CDKAL1: variants seen among roughly 807,000 people sequenced by gnomAD.
CDKAL1 encodes CDKAL1 threonylcarbamoyladenosine tRNA methylthiotransferase.
Under a neutral mutation model 68.2 loss-of-function variants are expected in CDKAL1, and 32 were observed. The observed-to-expected ratio is 0.47, with a 90% confidence interval of 0.35 to 0.63. The LOEUF (loss-of-function observed/expected upper bound fraction) is 0.63, where lower values mean the gene tolerates loss of function less well. CDKAL1 is among the 30% of genes least tolerant of loss of function. The pLI is 0.00. For synonymous variants in CDKAL1, 234 were observed against 244.3 expected, an observed-to-expected ratio of 0.96 and a Z score of 0.39; for missense variants, 606 against 696.7, an observed-to-expected ratio of 0.87 and a Z score of 1.47.
chr6:20,591,256 C>T (rs1283387465), intron 4 of CDKAL1, among the ~76,000 whole-genome samples: 1 of 152,000 alleles, frequency 6.6e-6, no homozygotes, highest in Admixed American at 6.6e-5. Flanking sequence ...GATATTAGCC[C>T]TTTGTTAAAT....
intron 2 of CDKAL1, among the ~76,000 whole-genome samples, chr6:20,545,608 G>T (rs1334589724): frequency 6.6e-6 from 1 of 151,960 alleles, no homozygotes; most frequent in Non-Finnish European, 1.5e-5. Context: ...GGCTAATTTT[G>T]TACTTTTAAA....
chr6:20,996,726 C>T (rs963355855), intron 10 of CDKAL1, among the ~76,000 whole-genome samples: 1 of 152,076 alleles, frequency 6.6e-6, no homozygotes, highest in Admixed American at 6.5e-5. Flanking sequence ...CACAGAGATA[C>T]GAAGTGAGCA....
At chr6:20,856,702 T>C (rs1214195998) in intron 9 of CDKAL1, among the ~76,000 whole-genome samples, 4 of 152,214 alleles carry the variant, frequency 2.6e-5, no homozygotes, top group Admixed American at 2.6e-4. Context: ...GCGTTTACCA[T>C]TTGAGCTGAG....
At chr6:20,593,008 A>G (rs1420673575) in intron 4 of CDKAL1, among the ~76,000 whole-genome samples, 7 of 152,154 alleles carry the variant, frequency 4.6e-5, no homozygotes, top group Non-Finnish European at 8.8e-5. Context: ...CTTGCATCCC[A>G]GGGATGAAGC....
At chr6:21,136,854 C>T (rs1426028442) in intron 13 of CDKAL1, among the ~76,000 whole-genome samples, 1 of 152,144 alleles carries the variant, frequency 6.6e-6, no homozygotes, top group African/African-American at 2.4e-5. Context: ...TAGCACTGAA[C>T]TCTGATGTGT....
At position 21,134,139 on chromosome 6, in the gene CDKAL1, G is replaced by A. The variant is rs1307803093; in HGVS notation, c.1299+25676G>A. ...CTGTCCCCTGCTGTGTGATAATGTC[G>A]AGAAAAAAAAGAGGGGCCAGCAGAG... On this transcript the variant is annotated intron_variant, in intron 13 of 15. Coordinates refer to ENST00000274695, the MANE Select transcript of CDKAL1 (RefSeq NM_017774.3). 4.6e-5 allele frequency among the ~76,000 whole-genome samples: 7 copies of A among 151,884 alleles called. No homozygotes were observed. In the South Asian group the frequency reaches 6.2e-4, roughly 14 times the overall value.
intron 13 of CDKAL1, among the ~76,000 whole-genome samples, chr6:21,180,821 A>G (rs1466113597): frequency 1.3e-5 from 2 of 152,286 alleles, no homozygotes; most frequent in South Asian, 2.1e-4. Flanking sequence ...ATTTTCCCCA[A>G]ATCTCTGCAT....
chr6:20,672,152 C>T (rs1267289546), intron 5 of CDKAL1, among the ~76,000 whole-genome samples: 1 of 151,546 alleles, frequency 6.6e-6, no homozygotes, highest in Non-Finnish European at 1.5e-5. Flanking sequence ...CTCCCTCTCC[C>T]TCTCCTTCTG....
chr6:20,613,338 G>T (rs1288688767), intron 4 of CDKAL1, among the ~76,000 whole-genome samples: 1 of 120,986 alleles, frequency 8.3e-6, no homozygotes, highest in African/African-American at 3.1e-5. Flanking sequence ...GCAGTGGCGT[G>T]ATCTCAGCTC....
chr6:20,853,768 TAAG>T (rs1267533758), intron 9 of CDKAL1, among the ~76,000 whole-genome samples: 1 of 152,266 alleles, frequency 6.6e-6, no homozygotes, highest in South Asian at 2.1e-4. Flanking sequence ...GAACTACAAT[TAAG>T]AACCACTATT....
intron 13 of CDKAL1, among the ~76,000 whole-genome samples, chr6:21,172,434 G>A (rs1343737017): frequency 1.3e-5 from 2 of 152,116 alleles, no homozygotes; most frequent in African/African-American, 4.8e-5. Flanking sequence ...TGTAGCATGG[G>A]GATTGTGTTT....
intron 13 of CDKAL1, among the ~76,000 whole-genome samples, chr6:21,121,934 G>A (rs1774741673): frequency 6.6e-6 from 1 of 152,102 alleles, no homozygotes; most frequent in Non-Finnish European, 1.5e-5. Flanking sequence ...GTGGGTTTTG[G>A]GGTTACGTGG....
At chr6:20,710,693 C>T (rs1215803655) in intron 5 of CDKAL1, among the ~76,000 whole-genome samples, 1 of 152,104 alleles carries the variant, frequency 6.6e-6, no homozygotes, top group East Asian at 1.9e-4. Flanking sequence ...CATAGTGAAG[C>T]TTACTTTAAA....
intron 5 of CDKAL1, among the ~76,000 whole-genome samples, chr6:20,735,240 A>G (rs1039961260): frequency 2.0e-5 from 3 of 152,110 alleles, no homozygotes; most frequent in Non-Finnish European, 2.9e-5. Context: ...GATTTGTTAC[A>G]TGGGTGTATT....
chr6:20,766,609 A>T (rs1774716011), intron 7 of CDKAL1, among the ~76,000 whole-genome samples: 1 of 152,188 alleles, frequency 6.6e-6, no homozygotes, highest in South Asian at 2.1e-4. Flanking sequence ...AGATTTCATG[A>T]AGGTGAGACT....
At chr6:20,574,609 A>T (rs2127682116) in intron 4 of CDKAL1, among the ~76,000 whole-genome samples, 1 of 152,258 alleles carries the variant, frequency 6.6e-6, no homozygotes, top group East Asian at 1.9e-4. Context: ...CCTACATTAA[A>T]AGAGCCCTGT....
At chr6:20,714,625 C>T (rs1772006377) in intron 5 of CDKAL1, among the ~76,000 whole-genome samples, 1 of 151,912 alleles carries the variant, frequency 6.6e-6, no homozygotes, top group South Asian at 2.1e-4. Context: ...TATTCTTGTT[C>T]ACTAGCCTGA....
chr6:21,159,935 T>C (rs1776832304), intron 13 of CDKAL1, among the ~76,000 whole-genome samples: 1 of 152,220 alleles, frequency 6.6e-6, no homozygotes, highest in Non-Finnish European at 1.5e-5. Context: ...TCCTAGCTGC[T>C]CTTGAAAAAG....
chr6:20,738,009 A>G (rs1773274446), intron 5 of CDKAL1, among the ~76,000 whole-genome samples: 1 of 152,216 alleles, frequency 6.6e-6, no homozygotes. Flanking sequence ...AAGACAAAGA[A>G]GTGTGCCAGG....
Sources: allele counts gnomAD v4.1 joint callset (sites outside exome capture counted in the v4.1 genomes callset), GRCh38; gene constraint gnomAD v4.1.1; transcripts MANE v1.5; gene names NCBI Gene and HGNC (gene_info 2026-07-23, HGNC 2026-07-21).